The following TMTC2 variants were observed in gnomAD, a reference collection of about 807,000 sequenced individuals.
TMTC2 encodes transmembrane O-mannosyltransferase targeting cadherins 2.
In TMTC2, 43 loss-of-function variants were observed where a neutral mutation model predicts 82.4. The observed-to-expected ratio is 0.52, with a 90% CI of 0.41 to 0.67. The LOEUF is 0.67. Ranked by LOEUF, TMTC2 falls within the 30% of genes least tolerant of loss-of-function variation. The pLI, the probability that TMTC2 is intolerant of heterozygous loss-of-function variation, is 0.00. For missense variants in TMTC2, 919 were observed against 1,012.4 expected, an observed-to-expected ratio of 0.91 and a Z score of 1.25; for synonymous variants, 408 against 381.9, an observed-to-expected ratio of 1.07 and a Z score of -0.80.
chr12:83,048,853 G>C (rs913814392), intron 9 of TMTC2, among the ~76,000 whole-genome samples: 18 of 152,174 alleles, frequency 1.2e-4, no homozygotes, highest in African/African-American at 4.3e-4. Flanking sequence ...ATTTTTAATA[G>C]AGACTGGCTT....
At chr12:82,699,817 A>G (rs1048133820) in intron 1 of TMTC2, among the ~76,000 whole-genome samples, 2 of 152,190 alleles carry the variant, frequency 1.3e-5, no homozygotes, top group African/African-American at 4.8e-5. Context: ...TCCCAGAACT[A>G]TTATAGCCAG....
At chr12:83,086,608 C>T (rs568190740) in intron 11 of TMTC2, among the ~76,000 whole-genome samples, 20 of 152,170 alleles carry the variant, frequency 1.3e-4, no homozygotes, top group African/African-American at 4.6e-4. Flanking sequence ...ACTTTCAGAC[C>T]ACTGCAGTAG....
chr12:82,867,320 C>G (rs961567145), intron 2 of TMTC2, among the ~76,000 whole-genome samples: 1 of 152,216 alleles, frequency 6.6e-6, no homozygotes, highest in African/African-American at 2.4e-5. Context: ...TTTCAGGAAT[C>G]AAATAAAATG....
At chr12:83,003,408 C>A (rs1880014617) in intron 8 of TMTC2, among the ~76,000 whole-genome samples, 1 of 152,028 alleles carries the variant, frequency 6.6e-6, no homozygotes, top group Admixed American at 6.6e-5. Context: ...GTGTTTAGAT[C>A]ATTTACATTC....
chr12:83,020,479 T>C (rs1056838395), intron 8 of TMTC2, among the ~76,000 whole-genome samples: 2 of 152,252 alleles, frequency 1.3e-5, no homozygotes, highest in African/African-American at 4.8e-5. Context: ...TTTTAGGATA[T>C]ACTTGTATTT....
intron 1 of TMTC2, among the ~76,000 whole-genome samples, chr12:82,771,498 G>C (rs1457227174): frequency 6.6e-6 from 1 of 152,116 alleles, no homozygotes; most frequent in Non-Finnish European, 1.5e-5. Context: ...ATGGGCCCCA[G>C]TTTTTTGTGT....
intron 11 of TMTC2, among the ~76,000 whole-genome samples, chr12:83,110,641 C>T (rs937764701): frequency 2.6e-5 from 4 of 152,214 alleles, no homozygotes; most frequent in Non-Finnish European, 5.9e-5. Context: ...GAGGATTACT[C>T]ATTCCTCCTG....
At chr12:82,947,354 T>C (rs1341420523) in intron 4 of TMTC2, among the ~76,000 whole-genome samples, 1 of 150,898 alleles carries the variant, frequency 6.6e-6, no homozygotes, top group African/African-American at 2.4e-5. Context: ...TCTTTTTTTT[T>C]TTTTTGAGAC....
intron 9 of TMTC2, among the ~76,000 whole-genome samples, chr12:83,039,578 G>T (rs530002350): frequency 6.6e-6 from 1 of 152,102 alleles, no homozygotes; most frequent in South Asian, 2.1e-4. Flanking sequence ...GATGGGGAGG[G>T]TACATGATTA....
Position 82,965,528 on chromosome 12 carries a change from C to A in TMTC2, c.1685-32C>A, listed in dbSNP as rs368271067. On this transcript the variant is annotated intron_variant, in intron 5 of 11. Coordinates refer to ENST00000321196, the MANE Select transcript of TMTC2 (RefSeq NM_152588.3). ...ATTTTATTCAAGTGTATATCATCTT[C>A]TCACACTTTTGTTTCCACTTTTCCC... is the stretch of plus-strand genomic sequence containing the variant. 1.9e-6 allele frequency: 3 copies of A among 1,607,690 alleles called. No individual in the cohort carries two copies. The South Asian group carries it at 3.3e-5, about 18-fold the overall frequency.
At chr12:82,914,051 T>G (rs954475418) in intron 3 of TMTC2, among the ~76,000 whole-genome samples, 8 of 152,178 alleles carry the variant, frequency 5.3e-5, no homozygotes, top group African/African-American at 1.7e-4. Context: ...ATTTGCACAG[T>G]CTTCAGAATT....
At chr12:82,972,187 C>CT (rs1878479338) in intron 7 of TMTC2, among the ~76,000 whole-genome samples, 1 of 151,990 alleles carries the variant, frequency 6.6e-6, no homozygotes, top group Non-Finnish European at 1.5e-5. Context: ...GGGAGAGATT[C>CT]TTTTTTCCAG....
intron 8 of TMTC2, among the ~76,000 whole-genome samples, chr12:83,019,248 C>T (rs1880811337): frequency 6.6e-6 from 1 of 152,150 alleles, no homozygotes; most frequent in Non-Finnish European, 1.5e-5. Flanking sequence ...TGTCTCCTCT[C>T]CTTCTGCTGA....
At chr12:83,059,803 T>C (rs1458273160) in intron 10 of TMTC2, among the ~76,000 whole-genome samples, 1 of 151,798 alleles carries the variant, frequency 6.6e-6, no homozygotes, top group African/African-American at 2.4e-5. Flanking sequence ...TACCTCATTA[T>C]TAAATGTCCA....
chr12:83,056,890 C>A (rs1384744602), intron 10 of TMTC2, among the ~76,000 whole-genome samples: 1 of 151,818 alleles, frequency 6.6e-6, no homozygotes, highest in African/African-American at 2.4e-5. Flanking sequence ...CAAGTGAACA[C>A]CTGGGGAATG....
intron 1 of TMTC2, among the ~76,000 whole-genome samples, chr12:82,829,654 G>T (rs902274698): frequency 2.6e-5 from 4 of 152,140 alleles, no homozygotes; most frequent in Admixed American, 2.6e-4. Context: ...CCATATTACT[G>T]TAAAAAGTTA....
chr12:83,089,369 C>A (rs947538676), intron 11 of TMTC2, among the ~76,000 whole-genome samples: 7 of 152,188 alleles, frequency 4.6e-5, no homozygotes, highest in African/African-American at 1.7e-4. Context: ...GAGAATTATT[C>A]AAGAAAACTG....
At chr12:82,956,994 T>C (rs1489327039) in intron 4 of TMTC2, among the ~76,000 whole-genome samples, 1 of 152,056 alleles carries the variant, frequency 6.6e-6, no homozygotes, top group Non-Finnish European at 1.5e-5. Flanking sequence ...AGAAAACTAA[T>C]AAATTCTGGA....
chr12:82,709,429 A>G (rs1449741675), intron 1 of TMTC2, among the ~76,000 whole-genome samples: 3 of 152,254 alleles, frequency 2.0e-5, no homozygotes, highest in Admixed American at 1.3e-4. Flanking sequence ...ATGATTTTTA[A>G]TAGTGAATTT....
Sources: gnomAD v4.1 joint callset for allele counts (sites outside exome capture counted in the v4.1 genomes callset) on GRCh38, gnomAD v4.1.1 for gene constraint, MANE v1.5 for transcripts, NCBI Gene and HGNC (gene_info 2026-07-23, HGNC 2026-07-21) for gene names.